Variants in PRKN observed in about 807,000 individuals in gnomAD.
PRKN encodes the protein E3 ubiquitin-protein ligase parkin.
Under a neutral mutation model 59.5 loss-of-function variants are expected in PRKN, and 56 were observed. The observed-to-expected ratio is 0.94, with a 90% CI of 0.76 to 1.18. The LOEUF (loss-of-function observed/expected upper bound fraction) is 1.18, where lower values mean the gene tolerates loss of function less well. PRKN is among the 50% of genes most tolerant of loss of function. The pLI, the probability that PRKN is intolerant of heterozygous loss-of-function variation, is 0.00. For missense variants in PRKN, 657 were observed against 596.4 expected, an observed-to-expected ratio of 1.10 and a Z score of -1.06; for synonymous variants, 250 against 222.1, an observed-to-expected ratio of 1.13 and a Z score of -1.12.
At position 161,518,973 on chromosome 6, in the gene PRKN, T is replaced by G. The variant is rs1279276867; in HGVS notation, c.1083+29881A>C. Among the ~76,000 whole-genome samples the G allele has an allele frequency of 6.6e-6, 1 of 152,146 alleles. No individual in the cohort carries two copies. The highest frequency in any genetic ancestry group is 1.5e-5 in the Non-Finnish European group (1 of 68,020). On this transcript the variant is annotated intron_variant, in intron 9 of 11. Coordinates refer to ENST00000366898, the MANE Select transcript of PRKN (RefSeq NM_004562.3). The surrounding 1 kb of genome is among the most constrained non-coding windows in gnomAD (Gnocchi z 5.0). ...GAACTCTGGGAAAACTGCACTCGTG[T>G]CCAGATGCAAGTAAATGATAAACTC...
chr6:162,078,113 T>C (rs1187854892), intron 4 of PRKN, among the ~76,000 whole-genome samples: 1 of 151,754 alleles, frequency 6.6e-6, no homozygotes, highest in Non-Finnish European at 1.5e-5. Context: ...CCATAAACCT[T>C]TGGGTCTTTT....
chr6:161,998,527 C>A (rs1489333375), intron 5 of PRKN, among the ~76,000 whole-genome samples: 4 of 152,090 alleles, frequency 2.6e-5, no homozygotes. Flanking sequence ...CCTCAGCAGG[C>A]AATTCACATG....
At chr6:162,163,502 C>T (rs533951521) in intron 4 of PRKN, among the ~76,000 whole-genome samples, 2 of 148,960 alleles carry the variant, frequency 1.3e-5, no homozygotes, top group South Asian at 2.1e-4. Context: ...GCTTGTAGCC[C>T]GAGGAGAACA....
chr6:162,240,178 A>G lies in PRKN; in HGVS notation c.412+22347T>C, dbSNP rs542961403. ...TTCAAGGAGTCGGGGGAAGCTCCCC[A>G]GCAGCTCTGAGCAAATGAGGAGCCA... On this transcript the variant is annotated intron_variant, in intron 3 of 11. Transcript: ENST00000366898. Among the ~76,000 whole-genome samples the G allele has an allele frequency of 2.0e-5, 3 of 152,338 alleles. No homozygotes were observed. The South Asian group carries it at 6.2e-4, about 32-fold the overall frequency.
chr6:161,861,538 C>T lies in PRKN; in HGVS notation c.735-75630G>A, dbSNP rs1278889273. On this transcript the variant is annotated intron_variant, in intron 6 of 11. Coordinates refer to ENST00000366898, the MANE Select transcript of PRKN (RefSeq NM_004562.3). ...AGCAAACCACCATGGCAAATGTATACCTATGTAACAAACCTGCACGTTCTG... is the reference window on the plus strand; with the variant it reads ...AGCAAACCACCATGGCAAATGTATATCTATGTAACAAACCTGCACGTTCTG... Among the ~76,000 whole-genome samples, 4 of 151,634 alleles carry T rather than the reference C, an allele frequency of 2.6e-5. No homozygotes were observed. In the South Asian group the frequency reaches 8.3e-4, roughly 32 times the overall value.
chr6:162,235,936 A>AGAAG (rs1778648621), intron 3 of PRKN, among the ~76,000 whole-genome samples: 1 of 101,388 alleles, frequency 9.9e-6, no homozygotes, highest in Non-Finnish European at 1.8e-5. Context: ...GAAGGAAGGA[A>AGAAG]GGAAGGAAGG....
intron 10 of PRKN, among the ~76,000 whole-genome samples, chr6:161,381,238 A>T (rs1260782700): frequency 1.3e-5 from 2 of 152,138 alleles, no homozygotes; most frequent in Admixed American, 6.5e-5. Context: ...CCTCTTTCAA[A>T]AGGCAGAGTG....
At chr6:161,877,611 C>A (rs1794780768) in intron 6 of PRKN, among the ~76,000 whole-genome samples, 1 of 151,850 alleles carries the variant, frequency 6.6e-6, no homozygotes. Flanking sequence ...AGGTGCCCGC[C>A]ACCAAGCCTG....
intron 3 of PRKN, among the ~76,000 whole-genome samples, chr6:162,218,927 A>G (rs1490857089): frequency 6.6e-6 from 1 of 152,156 alleles, no homozygotes; most frequent in African/African-American, 2.4e-5. Flanking sequence ...TGATCCCAGC[A>G]CTTTGAGAGG....
chr6:161,651,932 A>C (rs544457119), intron 7 of PRKN, among the ~76,000 whole-genome samples: 2 of 152,380 alleles, frequency 1.3e-5, no homozygotes, highest in African/African-American at 4.8e-5. Flanking sequence ...TCTGTGTTAT[A>C]CAGAAAAACA....
intron 6 of PRKN, among the ~76,000 whole-genome samples, chr6:161,885,487 AC>A (rs1795106147): frequency 6.6e-6 from 1 of 152,052 alleles, no homozygotes; most frequent in African/African-American, 2.4e-5. Flanking sequence ...ACACAGTGAA[AC>A]CCCGTCTCTA....
chr6:161,464,440 A>AT (rs1160414786), intron 9 of PRKN, among the ~76,000 whole-genome samples: 1 of 152,208 alleles, frequency 6.6e-6, no homozygotes, highest in Non-Finnish European at 1.5e-5. Flanking sequence ...CTTCATCTAT[A>AT]TATCATTTAT....
rs1020397911 is a variant in PRKN, at chr6:161,487,439, G to T, written c.1083+61415C>A. ...GAATTTTCTAGAACTAAGAGTGTGT[G>T]TTGGGAAGGTAATGAGATGGGTTTG... On this transcript the variant is annotated intron_variant, in intron 9 of 11. Coordinates refer to ENST00000366898, the MANE Select transcript of PRKN (RefSeq NM_004562.3). This position sits in a 1 kb window ranked among gnomAD's most constrained non-coding sequence, Gnocchi z 5.3. Among the ~76,000 whole-genome samples, 5 of 152,166 alleles carry T rather than the reference G, an allele frequency of 3.3e-5. No individual in the cohort carries two copies. The South Asian group carries it at 1.0e-3, about 31-fold the overall frequency.
In PRKN at chr6:162,300,820, A is replaced by C. The variant is rs115747634; in HGVS notation, c.172-38055T>G. On this transcript the variant is annotated intron_variant, in intron 2 of 11. Transcript: ENST00000366898. ...CGTAACCCACTTATTCTTTTTGTAGACAACCTACCAACAACCATTAACAAC... is the reference window on the plus strand; with the variant it reads ...CGTAACCCACTTATTCTTTTTGTAGCCAACCTACCAACAACCATTAACAAC... Among the ~76,000 whole-genome samples, 607 of 152,236 alleles carry C rather than the reference A, an allele frequency of 4.0e-3. 5 individuals carry two copies. Among genetic ancestry groups the C allele is most frequent in the African/African-American group, 0.014 (578 of 41,536 alleles).
chr6:161,797,578 C>A (rs938412511), intron 6 of PRKN, among the ~76,000 whole-genome samples: 7 of 152,086 alleles, frequency 4.6e-5, no homozygotes, highest in African/African-American at 1.7e-4. Context: ...CCTTTTATTT[C>A]TTTTATTAGA....
At chr6:162,369,419 A>G (rs978462175) in intron 2 of PRKN, among the ~76,000 whole-genome samples, 6 of 152,148 alleles carry the variant, frequency 3.9e-5, no homozygotes, top group Non-Finnish European at 8.8e-5. Context: ...CCATAAATCT[A>G]CCCTTGAACA....
intron 5 of PRKN, among the ~76,000 whole-genome samples, chr6:162,034,252 A>C (rs1783757455): frequency 6.7e-6 from 1 of 149,590 alleles, no homozygotes; most frequent in Non-Finnish European, 1.5e-5. Flanking sequence ...TATATTAGTT[A>C]CTTTATATAT....
chr6:161,430,974 A>G lies in PRKN; in HGVS notation c.1084-44097T>C, dbSNP rs147081719. Among the ~76,000 whole-genome samples, 794 of 151,914 alleles carry G rather than the reference A, an allele frequency of 5.2e-3. 12 individuals carry two copies. The East Asian group carries it at 0.06, about 11-fold the overall frequency. ...AACGTGGTGAAACCCTGTCTCTACT[A>G]AAACTACAAAAAAAATTAGCACGGC... On this transcript the variant is annotated intron_variant, in intron 9 of 11. Coordinates refer to ENST00000366898, the MANE Select transcript of PRKN (RefSeq NM_004562.3).
chr6:161,476,682 GT>G (rs1791099572), intron 9 of PRKN, among the ~76,000 whole-genome samples: 2 of 152,200 alleles, frequency 1.3e-5, no homozygotes, highest in African/African-American at 4.8e-5. Flanking sequence ...CCACCGATTT[GT>G]TTCTTTGACA....
Sources: allele counts gnomAD v4.1 joint callset (sites outside exome capture counted in the v4.1 genomes callset), GRCh38; gene constraint gnomAD v4.1.1; non-coding constraint Gnocchi (gnomAD v3.1); transcripts MANE v1.5; gene names NCBI Gene and HGNC (gene_info 2026-07-23, HGNC 2026-07-21).